Variants in KIF13B observed in about 807,000 individuals in gnomAD.
The protein encoded by KIF13B is kinesin-like protein KIF13B.
Under a neutral mutation model 222.0 loss-of-function variants are expected in KIF13B, and 127 were observed. That is an observed-to-expected ratio of 0.57 (90% CI 0.50 to 0.66). KIF13B has a LOEUF of 0.66. Ranked by LOEUF, KIF13B falls within the 30% of genes least tolerant of loss-of-function variation. KIF13B has a pLI of 0.00. For synonymous variants in KIF13B, 976 were observed against 919.0 expected (o/e 1.06, Z -1.12); for missense variants, 2,173 against 2,379.0 (o/e 0.91, Z 1.80).
At chr8:29,211,161 G>A (rs1814203981) in intron 2 of KIF13B, among the ~76,000 whole-genome samples, 1 of 152,224 alleles carries the variant, frequency 6.6e-6, no homozygotes, top group Middle Eastern at 3.2e-3. Context: ...CTGCACGAAA[G>A]CACCATTTGC....
chr8:29,071,181 A>T lies in KIF13B; in HGVS notation c.5219-415T>A, dbSNP rs1807255590. Among the ~76,000 whole-genome samples, 1 of 152,150 alleles carries T rather than the reference A, an allele frequency of 6.6e-6. No homozygotes were observed. The highest frequency in any genetic ancestry group is 1.5e-5 in the Non-Finnish European group (1 of 68,010). On this transcript the variant is annotated intron_variant, in intron 39 of 39. Coordinates refer to ENST00000524189, the MANE Select transcript of KIF13B (RefSeq NM_015254.4). The surrounding 1 kb of genome is among the most constrained non-coding windows in gnomAD (Gnocchi z 4.9). ...TGGCGGGAGAATGGTTCTTTTGCTG[A>T]ATCTATGAAATGGAAACTGGCAAAA...
chr8:29,187,406 C>CT (rs1812984851), intron 5 of KIF13B, among the ~76,000 whole-genome samples: 1 of 151,782 alleles, frequency 6.6e-6, no homozygotes, highest in Admixed American at 6.6e-5. Context: ...TGGCAGGCAC[C>CT]TGTAGTGCCA....
chr8:29,135,063 G>C (rs889246547), intron 21 of KIF13B, among the ~76,000 whole-genome samples: 1 of 152,146 alleles, frequency 6.6e-6, no homozygotes, highest in African/African-American at 2.4e-5. Context: ...ATTTGTTTTT[G>C]AGCCAGGGTC....
chr8:29,255,954 C>G (rs974315543), intron 1 of KIF13B, among the ~76,000 whole-genome samples: 5 of 152,156 alleles, frequency 3.3e-5, no homozygotes, highest in Non-Finnish European at 7.3e-5. Flanking sequence ...ACAGACACAC[C>G]TGAGGTGCTC....
At chr8:29,263,130 C>CG (rs1402823240), upstream of KIF13B, 10 of 338,690 alleles carry the variant, frequency 3.0e-5, no homozygotes, top group Non-Finnish European at 4.0e-5. Flanking sequence ...GGGGCGGAGC[C>CG]GGGGGTGGGG....
chr8:29,127,552 A>G (rs1810169165), intron 24 of KIF13B, among the ~76,000 whole-genome samples: 1 of 152,208 alleles, frequency 6.6e-6, no homozygotes, highest in Non-Finnish European at 1.5e-5. Context: ...TGGCCAATAA[A>G]AAAGTTCAAC....
chr8:29,105,154 A>T (rs773019968), intron 35 of KIF13B, among the ~76,000 whole-genome samples: 1 of 151,704 alleles, frequency 6.6e-6, no homozygotes, highest in Non-Finnish European at 1.5e-5. Flanking sequence ...TTTTTTTTGC[A>T]GAGAAAGGGA....
chr8:29,092,100 TATAA>T (rs1055557875), intron 37 of KIF13B, among the ~76,000 whole-genome samples: 1 of 152,222 alleles, frequency 6.6e-6, no homozygotes, highest in African/African-American at 2.4e-5. Flanking sequence ...TTTGAATGAG[TATAA>T]ATAAATCCTC....
chr8:29,166,058 G>T lies in KIF13B; in HGVS notation c.1159-286C>A, dbSNP rs978392426. 3.3e-5 allele frequency among the ~76,000 whole-genome samples: 5 copies of T among 152,244 alleles called. No individual in the cohort carries two copies. In the South Asian group the frequency reaches 6.2e-4, roughly 19 times the overall value. On this transcript the variant is annotated intron_variant, in intron 11 of 39. Coordinates refer to ENST00000524189, the MANE Select transcript of KIF13B (RefSeq NM_015254.4). ...ATGCAAAAATGTAAAGCTTCTAAGG[G>T]TTTATCTTTAAAATCCTAATAGGTT...
intron 36 of KIF13B, among the ~76,000 whole-genome samples, chr8:29,095,673 A>C (rs1808488585): frequency 1.3e-5 from 2 of 152,150 alleles, no homozygotes; most frequent in Non-Finnish European, 2.9e-5. Context: ...AGGCTGAGGC[A>C]GGAGAATCAC....
chr8:29,094,316 C>T (rs1160976305), intron 36 of KIF13B, among the ~76,000 whole-genome samples: 1 of 152,202 alleles, frequency 6.6e-6, no homozygotes, highest in African/African-American at 2.4e-5. Flanking sequence ...ATCTGCTGTG[C>T]AAGAACCTGG....
chr8:29,224,765 C>T lies in KIF13B; in HGVS notation c.149+20581G>A, dbSNP rs768197991. Among the ~76,000 whole-genome samples the T allele has an allele frequency of 4.0e-5, 6 of 151,758 alleles. No homozygotes were observed. In the South Asian group the frequency reaches 8.3e-4, roughly 21 times the overall value. ...TACCTCATCCACCCTGGAGTGTGTA[C>T]GCGTAATTAGGATATCAAATGTTAA... is the stretch of plus-strand genomic sequence containing the variant. On this transcript the variant is annotated intron_variant, in intron 2 of 39. Coordinates refer to ENST00000524189, the MANE Select transcript of KIF13B (RefSeq NM_015254.4).
Position 29,083,932 on chromosome 8 carries a change from T to G in KIF13B, c.4459-8589A>C, listed in dbSNP as rs147489883. Among the ~76,000 whole-genome samples the G allele has an allele frequency of 5.8e-3, 879 of 152,328 alleles. 5 individuals are homozygous for G. The highest frequency in any genetic ancestry group is 0.02 in the African/African-American group (850 of 41,564). On this transcript the variant is annotated intron_variant, in intron 37 of 39. Transcript: ENST00000524189. ...ATGTGTTTTTTGTTTGTTTGTTTTTTAAGACGGAGTTGCGCTCTGTCACCC... is the reference window on the plus strand; with the variant it reads ...ATGTGTTTTTTGTTTGTTTGTTTTTGAAGACGGAGTTGCGCTCTGTCACCC...
intron 21 of KIF13B, chr8:29,138,734 T>A (rs1459707892): frequency 6.6e-6 from 1 of 152,178 alleles, no homozygotes; most frequent in South Asian, 2.1e-4. Flanking sequence ...TATGGGAAAC[T>A]GCAGGTCAAC....
At chr8:29,212,824 T>C (rs575082155) in intron 2 of KIF13B, among the ~76,000 whole-genome samples, 8 of 149,306 alleles carry the variant, frequency 5.4e-5, no homozygotes, top group Admixed American at 4.1e-4. Flanking sequence ...ATTTGATTAC[T>C]AATGTTCATA....
At chr8:29,149,394 T>C (rs1811201154) in intron 15 of KIF13B, among the ~76,000 whole-genome samples, 1 of 152,202 alleles carries the variant, frequency 6.6e-6, no homozygotes, top group Non-Finnish European at 1.5e-5. Context: ...AAAGTCAGTA[T>C]GACATCTGGA....
In KIF13B at chr8:29,140,180, C is replaced by T. The variant is rs1362689213; in HGVS notation, c.2496G>A (p.Arg832=). The change falls in exon 21 of 40, where the codon CGG becomes CGA. Residue 832 remains arginine, a synonymous_variant. Coordinates refer to ENST00000524189, the MANE Select transcript of KIF13B (RefSeq NM_015254.4). ...IINQKGEVAG[R]LHVEVMRLSG... Reference sequence around the variant, plus strand: ...TGAGTCGCATCACCTCCACGTGCAGCCGACCTGCCACCTGCAGCAATGAGG... The same window carrying T: ...TGAGTCGCATCACCTCCACGTGCAGTCGACCTGCCACCTGCAGCAATGAGG... 6.2e-7 allele frequency: 1 copy of T among 1,613,516 alleles called. No individual in the cohort carries two copies. Among genetic ancestry groups the T allele is most frequent in the Non-Finnish European group, 8.5e-7 (1 of 1,179,866 alleles).
chr8:29,249,106 C>G (rs890862622), intron 1 of KIF13B, among the ~76,000 whole-genome samples: 5 of 152,068 alleles, frequency 3.3e-5, no homozygotes, highest in African/African-American at 9.7e-5. Context: ...AAGTATGAAA[C>G]TGTTTGTTTC....
At chr8:29,099,377 C>CTT in intron 35 of KIF13B, 136 bp from the exon 36 acceptor site, 1 of 619,954 alleles carries the variant, frequency 1.6e-6, no homozygotes, top group East Asian at 2.9e-5. Flanking sequence ...TACATCAGCA[C>CTT]TTTTTTTTTC....
Sources: allele counts gnomAD v4.1 joint callset (sites outside exome capture counted in the v4.1 genomes callset), GRCh38; gene constraint gnomAD v4.1.1; non-coding constraint Gnocchi (gnomAD v3.1); transcripts MANE v1.5; gene names NCBI Gene and HGNC (gene_info 2026-07-23, HGNC 2026-07-21).